ANKRD30B: variants seen among roughly 807,000 people sequenced by gnomAD.
ANKRD30B encodes ankyrin repeat domain-containing protein 30B.
A neutral mutation model predicts 202.2 loss-of-function variants in ANKRD30B; 144 were observed. The observed-to-expected ratio is 0.71, with a 90% CI of 0.62 to 0.82. The LOEUF is 0.82. Among genes scored for constraint, ANKRD30B ranks in the 40% least tolerant of loss-of-function variants. The pLI is 0.00. For missense variants in ANKRD30B, 1,487 were observed against 1,669.1 expected (o/e 0.89, Z 1.90); for synonymous variants, 508 against 561.3 (o/e 0.91, Z 1.34).
intron 28 of ANKRD30B, among the ~76,000 whole-genome samples, chr18:14,811,182 C>T (rs1179608966): frequency 1.3e-5 from 2 of 151,488 alleles, no homozygotes; most frequent in East Asian, 1.9e-4. Context: ...TTTGTTTTGA[C>T]GTCTTAAATT....
At chr18:14,862,340 G>T in the ANKRD30B span, among the ~76,000 whole-genome samples, 4 of 151,638 alleles carry the variant, frequency 2.6e-5, no homozygotes, top group Non-Finnish European at 4.4e-5. Context: ...TAAAAAGTTG[G>T]TTCTTTGCAA....
chr18:14,879,457 G>T, the ANKRD30B span, among the ~76,000 whole-genome samples: 3 of 151,986 alleles, frequency 2.0e-5, no homozygotes, highest in African/African-American at 4.8e-5. Flanking sequence ...TATAAGATCC[G>T]CAATCCCCTC....
In ANKRD30B at chr18:14,763,856, T is replaced by G; in HGVS notation, c.991T>G (p.Ser331Ala). 1 of 1,612,896 alleles carries G rather than the reference T, an allele frequency of 6.2e-7. No individual in the cohort carries two copies. The highest frequency in any genetic ancestry group is 8.5e-7 in the Non-Finnish European group (1 of 1,179,520). ...AGCAACATCTGGAAAGTTTGAACAG[T>G]CAACAGAAGAAACACCTAGGAAAAT... is the stretch of plus-strand genomic sequence containing the variant. ...GKATSGKFEQ[S>A]TEETPRKILR... Residue 331 changes from serine to alanine, a missense_variant, in exon 7 of 44, where the codon TCA becomes GCA. Ser to Ala is a moderately conservative substitution (Grantham distance 99). Around this residue, in one of 6 missense-constraint regions of ANKRD30B, gnomAD observed 889 missense variants for 841.4 expected, o/e 1.06. Transcript: ENST00000690538.
rs576150549 is a variant in ANKRD30B, at chr18:14,764,074, A to G, written c.1209A>G (p.Thr403=). 4.8e-5 allele frequency: 73 copies of G among 1,529,104 alleles called. No homozygotes were observed. The Admixed American group carries it at 7.8e-4, about 16-fold the overall frequency. 94.7% of individuals were successfully genotyped at this position (1,529,104 alleles called of 1,614,324 possible). A position where few individuals can be genotyped will look rare whatever the true frequency, so the allele number is the denominator to read the frequency against. ...CATGTCCTACAAAAGAAACATCTAC[A>G]AAAGCAAGTACAAATGGTAAGATGC... ...MIACPTKETS[T]KASTNVDVSS... is the part of the protein sequence containing the mutation. The change falls in exon 7 of 44, where the codon ACA becomes ACG. Residue 403 remains threonine, a synonymous_variant. Transcript: ENST00000690538.
intron 32 of ANKRD30B, among the ~76,000 whole-genome samples, chr18:14,823,492 G>T (rs1970536422): frequency 1.3e-5 from 2 of 151,864 alleles, no homozygotes; most frequent in Non-Finnish European, 2.9e-5. Context: ...GTGATTGTGT[G>T]TGTGTGCGTG....
the ANKRD30B span, among the ~76,000 whole-genome samples, chr18:14,863,220 C>T: frequency 0.011 from 1,735 of 150,886 alleles, 26 homozygotes; most frequent in Non-Finnish European, 0.014. Flanking sequence ...GTTTACCCTC[C>T]AAATCTCTTG....
intron 32 of ANKRD30B, 108 bp from the exon 33 acceptor site, chr18:14,828,170 G>A: frequency 1.3e-6 from 1 of 792,822 alleles, no homozygotes; most frequent in Non-Finnish European, 2.0e-6. Context: ...ACCTTCCCAA[G>A]TAGCTGGGAT....
chr18:14,887,995 C>A, the ANKRD30B span, among the ~76,000 whole-genome samples: 1 of 152,034 alleles, frequency 6.6e-6, no homozygotes, highest in African/African-American at 2.4e-5. Flanking sequence ...TCATCAATCA[C>A]TGTTGCTATC....
chr18:14,807,967 A>G lies in ANKRD30B; in HGVS notation c.2285-584A>G, dbSNP rs560653981. On this transcript the variant is annotated intron_variant, in intron 24 of 43. Transcript: ENST00000690538. ...CAGAGTATCAAAAATAAATATATTC[A>G]TAACTTTTATTCTATAAGTAGATAT... 2.0e-4 allele frequency among the ~76,000 whole-genome samples: 31 copies of G among 151,232 alleles called. 1 individual carries two copies. Among genetic ancestry groups the G allele is most frequent in the South Asian group, 1.1e-3 (5 of 4,756 alleles).
intron 39 of ANKRD30B, among the ~76,000 whole-genome samples, chr18:14,845,963 C>T (rs190955811): frequency 1.3e-5 from 2 of 152,258 alleles, no homozygotes; most frequent in Admixed American, 6.5e-5. Flanking sequence ...CTAATAACGT[C>T]ACCTCTGTGA....
At position 14,782,634 on chromosome 18, in the gene ANKRD30B, T is replaced by C; in HGVS notation, c.1570+20T>C. On this transcript the variant is annotated intron_variant, in intron 12 of 43. Transcript: ENST00000690538. ...TAGAAGGTAAGAACAACTTTTTATTTGAAAAGTCTTTTAACCATATGTTTG... is the reference window on the plus strand; with the variant it reads ...TAGAAGGTAAGAACAACTTTTTATTCGAAAAGTCTTTTAACCATATGTTTG... 6.7e-7 allele frequency: 1 copy of C among 1,501,848 alleles called. No individual in the cohort carries two copies. Among genetic ancestry groups the C allele is most frequent in the Non-Finnish European group, 9.0e-7 (1 of 1,110,064 alleles). 93.0% of individuals were successfully genotyped at this position (1,501,848 alleles called of 1,614,324 possible).
intron 12 of ANKRD30B, among the ~76,000 whole-genome samples, chr18:14,782,991 T>C (rs976264163): frequency 8.6e-5 from 13 of 151,766 alleles, no homozygotes; most frequent in African/African-American, 2.7e-4. Flanking sequence ...TTAGAAAAGA[T>C]AGACCATGCT....
intron 33 of ANKRD30B, among the ~76,000 whole-genome samples, chr18:14,831,179 C>CG (rs1254227575): frequency 4.9e-4 from 10 of 20,526 alleles, no homozygotes; most frequent in Admixed American, 1.4e-3. Flanking sequence ...GACTCCGTCT[C>CG]GGAAAAAAAA....
intron 5 of ANKRD30B, among the ~76,000 whole-genome samples, chr18:14,758,881 T>A (rs1366742177): frequency 6.6e-6 from 1 of 152,218 alleles, no homozygotes; most frequent in South Asian, 2.1e-4. Context: ...GCACTTTATA[T>A]CCCGTGTAGC....
intron 3 of ANKRD30B, among the ~76,000 whole-genome samples, chr18:14,753,421 T>C (rs1258127415): frequency 2.0e-5 from 3 of 152,120 alleles, no homozygotes; most frequent in Non-Finnish European, 2.9e-5. Flanking sequence ...CATATGACTG[T>C]TTGGTATGCT....
At chr18:14,922,801 G>A in the ANKRD30B span, among the ~76,000 whole-genome samples, 11 of 152,182 alleles carry the variant, frequency 7.2e-5, no homozygotes, top group Non-Finnish European at 1.3e-4. Flanking sequence ...TGGTAAGGGA[G>A]TGCTTGCACC....
intron 39 of ANKRD30B, among the ~76,000 whole-genome samples, chr18:14,845,290 A>G (rs1479957254): frequency 1.2e-4 from 18 of 150,650 alleles, no homozygotes; most frequent in Admixed American, 3.3e-4. Flanking sequence ...GAAGTGGTCA[A>G]CTTTCAGTTT....
At chr18:14,826,984 G>A (rs1016618284) in intron 32 of ANKRD30B, among the ~76,000 whole-genome samples, 7 of 152,106 alleles carry the variant, frequency 4.6e-5, no homozygotes, top group African/African-American at 1.4e-4. Flanking sequence ...TATTGTACTC[G>A]CCCTTCTTTT....
chr18:14,754,306 T>G (rs1450775672), intron 3 of ANKRD30B, among the ~76,000 whole-genome samples: 1 of 152,178 alleles, frequency 6.6e-6, no homozygotes, highest in Non-Finnish European at 1.5e-5. Flanking sequence ...ACTGTATGCC[T>G]GAAATTCTAA....
Sources: gnomAD v4.1 joint callset for allele counts (sites outside exome capture counted in the v4.1 genomes callset) on GRCh38, gnomAD v4.1.1 for gene constraint, gnomAD v4.1.1 regional missense constraint, MANE v1.5 for transcripts, NCBI Gene and HGNC (gene_info 2026-07-23, HGNC 2026-07-21) for gene names.